The following OSBPL5 variants were observed in gnomAD, a reference collection of about 807,000 sequenced individuals.
OSBPL5 encodes oxysterol binding protein like 5, also known as oxysterol-binding protein-related protein 5.
A neutral mutation model predicts 111.2 loss-of-function variants in OSBPL5; 71 were observed. The ratio of observed to expected loss-of-function variants is 0.64; its 90% CI spans 0.53 to 0.78. The LOEUF (loss-of-function observed/expected upper bound fraction) is 0.78. Among genes scored for constraint, OSBPL5 ranks in the 30% least tolerant of loss-of-function variants. OSBPL5 has a pLI of 0.00. For missense variants in OSBPL5, 1,210 were observed against 1,189.3 expected (o/e 1.02, Z -0.26); for synonymous variants, 549 against 513.9 (o/e 1.07, Z -0.93).
intron 1 of OSBPL5, among the ~76,000 whole-genome samples, chr11:3,164,817 C>A (rs1415828504): frequency 1.3e-5 from 2 of 152,190 alleles, no homozygotes; most frequent in Non-Finnish European, 2.9e-5. Flanking sequence ...GGACAGACCC[C>A]CTGATTGGCC....
At position 3,094,746 on chromosome 11, in the gene OSBPL5, G is replaced by A. The variant is rs142606110; in HGVS notation, c.1622-412C>T. On this transcript the variant is annotated intron_variant, in intron 14 of 21. Transcript: ENST00000263650. ...ACTTGACTCTGCAGTTCCCGCTCTG[G>A]CATTGGGCTCCTGAGGGCAGGCATC... 844 of 170,136 alleles carry A rather than the reference G, an allele frequency of 5.0e-3. 4 individuals carry two copies. The highest frequency in any genetic ancestry group is 0.017 in the Middle Eastern group (6 of 360). 10.5% of individuals were successfully genotyped at this position (170,136 alleles called of 1,614,324 possible). A position where few individuals can be genotyped will look rare whatever the true frequency, so the allele number is the denominator to read the frequency against.
intron 7 of OSBPL5, among the ~76,000 whole-genome samples, chr11:3,108,859 C>T (rs1278027952): frequency 1.3e-5 from 2 of 152,218 alleles, no homozygotes; most frequent in African/African-American, 4.8e-5. Context: ...ACCTCTGCCT[C>T]CCGGGTTCAA....
chr11:3,123,043 G>C (rs1858478739), intron 3 of OSBPL5, among the ~76,000 whole-genome samples: 1 of 152,212 alleles, frequency 6.6e-6, no homozygotes, highest in Admixed American at 6.5e-5. Flanking sequence ...ACTGGTGGGG[G>C]GTGTGCAGTG....
intron 14 of OSBPL5, among the ~76,000 whole-genome samples, chr11:3,096,488 G>T (rs1013538895): frequency 1.3e-5 from 2 of 151,900 alleles, no homozygotes; most frequent in Non-Finnish European, 2.9e-5. Context: ...GTGTGGTGGC[G>T]CACGCATGTA....
Position 3,110,175 on chromosome 11 carries a change from G to A in OSBPL5, c.692-2230C>T, listed in dbSNP as rs547698833. ...CCAACCTGAGAGGCACCGGAGCCCC[G>A]TGGTCAAGGCCAGACTGCTTTAGGT... On this transcript the variant is annotated intron_variant, in intron 7 of 21. Transcript: ENST00000263650. The surrounding 1 kb of genome is among the most constrained non-coding windows in gnomAD (Gnocchi z 5.3). Among the ~76,000 whole-genome samples the A allele has an allele frequency of 6.6e-5, 10 of 152,300 alleles. No individual in the cohort carries two copies. Among genetic ancestry groups the A allele is most frequent in the African/African-American group, 2.4e-4 (10 of 41,552 alleles).
intron 7 of OSBPL5, among the ~76,000 whole-genome samples, chr11:3,112,040 T>C (rs796602928): frequency 0.04 from 3,511 of 87,436 alleles, 145 homozygotes; most frequent in African/African-American, 0.14. Flanking sequence ...TGTGTATGTG[T>C]GCGCGCATGT....
chr11:3,117,937 CCAGGA>C (rs1858266678), intron 7 of OSBPL5, among the ~76,000 whole-genome samples: 1 of 152,146 alleles, frequency 6.6e-6, no homozygotes, highest in South Asian at 2.1e-4. Context: ...TACCAATTTC[CCAGGA>C]TTGTTCTTTT....
At position 3,106,411 on chromosome 11, in the gene OSBPL5, G is replaced by A. The variant is rs1857695620; in HGVS notation, c.1059+852C>T. 6.7e-6 allele frequency among the ~76,000 whole-genome samples: 1 copy of A among 149,112 alleles called. No individual in the cohort carries two copies. The highest frequency in any genetic ancestry group is 1.5e-5 in the Non-Finnish European group (1 of 67,500). On this transcript the variant is annotated intron_variant, in intron 9 of 21. Coordinates refer to ENST00000263650, the MANE Select transcript of OSBPL5 (RefSeq NM_020896.4). This position sits in a 1 kb window ranked among gnomAD's most constrained non-coding sequence, Gnocchi z 8.4. Reference sequence around the variant, plus strand: ...CGTTCCTGACAGCCCCCACCCCAGAGCGCAGCCCCCACCCCAGAGCCCGGC... The same window carrying A: ...CGTTCCTGACAGCCCCCACCCCAGAACGCAGCCCCCACCCCAGAGCCCGGC...
rs1037302587 is a variant in OSBPL5 at position 3,121,532 on chromosome 11, C to T, written c.402+465G>A. Among the ~76,000 whole-genome samples, 2 of 152,068 alleles carry T rather than the reference C, an allele frequency of 1.3e-5. No individual in the cohort carries two copies. Among genetic ancestry groups the T allele is most frequent in the South Asian group, 4.2e-4 (2 of 4,814 alleles). On this transcript the variant is annotated intron_variant, in intron 5 of 21. Coordinates refer to ENST00000263650, the MANE Select transcript of OSBPL5 (RefSeq NM_020896.4). The surrounding 1 kb of genome is among the most constrained non-coding windows in gnomAD (Gnocchi z 4.3). Reference sequence around the variant, plus strand: ...TTATCTGGTATGCGTTGCCCAGCAGCCTCGGAGTTGGGCAGTTTTACCTCC... The same window carrying T: ...TTATCTGGTATGCGTTGCCCAGCAGTCTCGGAGTTGGGCAGTTTTACCTCC...
Position 3,095,219 on chromosome 11 carries a change from G to A in OSBPL5, c.1622-885C>T, listed in dbSNP as rs530781637. Among the ~76,000 whole-genome samples the A allele has an allele frequency of 4.4e-4, 66 of 151,136 alleles. 1 individual carries two copies. In the South Asian group the frequency reaches 0.011, roughly 25 times the overall value. ...ATGGGGGGAGGTCTCCAGGCTCCAC[G>A]GAGAGGAAGAAGGCCCAGGAGGCGG... On this transcript the variant is annotated intron_variant, in intron 14 of 21. Coordinates refer to ENST00000263650, the MANE Select transcript of OSBPL5 (RefSeq NM_020896.4).
intron 1 of OSBPL5, among the ~76,000 whole-genome samples, chr11:3,134,958 A>T (rs1845910222): frequency 6.6e-6 from 1 of 152,130 alleles, no homozygotes; most frequent in African/African-American, 2.4e-5. Flanking sequence ...GGGACGCGGG[A>T]GAAGCTCGGC....
chr11:3,090,705 A>G lies in OSBPL5; in HGVS notation c.2260-9T>C. On this transcript the variant is annotated splice_polypyrimidine_tract_variant and intron_variant, in intron 19 of 21. Coordinates refer to ENST00000263650, the MANE Select transcript of OSBPL5 (RefSeq NM_020896.4). ...TGGTCTGGGCCAGACCTCTGCAGAGAAATGGAGCTGCTGCAGCTGAAAGCC... is the reference window on the plus strand; with the variant it reads ...TGGTCTGGGCCAGACCTCTGCAGAGGAATGGAGCTGCTGCAGCTGAAAGCC... 6.2e-7 allele frequency: 1 copy of G among 1,606,972 alleles called. No homozygotes were observed. The highest frequency in any genetic ancestry group is 8.5e-7 in the Non-Finnish European group (1 of 1,177,190).
In OSBPL5 at chr11:3,105,988, C is replaced by G. The variant is rs1451491123; in HGVS notation, c.1059+1275G>C. ...GTCTTCCCTACGGGTGGCCCAGTGT[C>G]CACCCCCGCCCCTCGGCTGTCCCGA... On this transcript the variant is annotated intron_variant, in intron 9 of 21. Transcript: ENST00000263650. This position sits in a 1 kb window ranked among gnomAD's most constrained non-coding sequence, Gnocchi z 5.2. 2.0e-5 allele frequency among the ~76,000 whole-genome samples: 3 copies of G among 152,182 alleles called. No homozygotes were observed. The highest frequency in any genetic ancestry group is 2.1e-4 in the South Asian group (1 of 4,830).
chr11:3,155,152 G>C (rs1024329719), intron 1 of OSBPL5, among the ~76,000 whole-genome samples: 3 of 152,206 alleles, frequency 2.0e-5, no homozygotes. Context: ...CCAGAACTGA[G>C]AGAGAATCAA....
chr11:3,156,643 G>C (rs1846767381), intron 1 of OSBPL5, among the ~76,000 whole-genome samples: 1 of 152,204 alleles, frequency 6.6e-6, no homozygotes, highest in South Asian at 2.1e-4. Flanking sequence ...GACGACGCTG[G>C]GGTTGGTTCT....
chr11:3,151,891 GGA>G, intron 1 of OSBPL5, among the ~76,000 whole-genome samples: 1 of 152,358 alleles, frequency 6.6e-6, no homozygotes, highest in Non-Finnish European at 1.5e-5. Flanking sequence ...GGCTGCTCCT[GGA>G]GAGGGGCCCG....
Position 3,090,678 on chromosome 11 carries a change from G to A in OSBPL5, c.2278C>T (p.Arg760Trp), listed in dbSNP as rs758650757. Reference protein sequence around the residue: ...PRHERSGPDQRLRKASDQPSG... With the variant: ...PRHERSGPDQWLRKASDQPSG... ...GGCTGGTCGCTGGCCTTGCGAAGCC[G>A]CTGGTCTGGGCCAGACCTCTGCAGA... Residue 760 changes from arginine to tryptophan, a missense_variant, in exon 20 of 22, where the codon CGG becomes TGG. Transcript: ENST00000263650. The A allele has an allele frequency of 2.2e-5, 35 of 1,611,584 alleles. No individual in the cohort carries two copies. Among genetic ancestry groups the A allele is most frequent in the South Asian group, 3.3e-5 (3 of 90,876 alleles).
Position 3,165,214 on chromosome 11 carries a change from A to C in OSBPL5, c.-22+2T>G, listed in dbSNP as rs1847085594. Reference sequence around the variant, plus strand: ...CCGCCCCCCGGGCCGCCGCGCTCCTACCTCCTACCGTGCCGCGAGCTCGGT... The same window carrying C: ...CCGCCCCCCGGGCCGCCGCGCTCCTCCCTCCTACCGTGCCGCGAGCTCGGT... On this transcript the variant is annotated splice_donor_variant, in intron 1 of 21. Transcript: ENST00000263650. LOFTEE classifies it low-confidence loss of function (5UTR_SPLICE). This position sits in a 1 kb window ranked among gnomAD's most constrained non-coding sequence, Gnocchi z 7.4. 1 of 148,190 alleles carries C rather than the reference A, an allele frequency of 6.7e-6. No individual in the cohort carries two copies. The highest frequency in any genetic ancestry group is 2.5e-5 in the African/African-American group (1 of 40,342). The allele number at this position is 148,190 out of a possible 1,614,324, so 9.2% of individuals were successfully genotyped here. A position where few individuals can be genotyped will look rare whatever the true frequency, so the allele number is the denominator to read the frequency against.
chr11:3,122,178 T>G, intron 4 of OSBPL5, 80 bp from the exon 5 acceptor site: 1 of 1,440,550 alleles, frequency 6.9e-7, no homozygotes, highest in East Asian at 2.5e-5. Context: ...AGCCCAGGGA[T>G]GGGTCCAGGG....
Sources: allele counts gnomAD v4.1 joint callset (sites outside exome capture counted in the v4.1 genomes callset), GRCh38; gene constraint gnomAD v4.1.1; non-coding constraint Gnocchi (gnomAD v3.1); transcripts MANE v1.5; gene names NCBI Gene and HGNC (gene_info 2026-07-23, HGNC 2026-07-21).